CADM1: variants seen among roughly 807,000 people sequenced by gnomAD.
CADM1 encodes cell adhesion molecule 1.
A neutral mutation model predicts 53.1 loss-of-function variants in CADM1; 15 were observed. The ratio of observed to expected loss-of-function variants is 0.28; its 90% confidence interval spans 0.19 to 0.44. The LOEUF (loss-of-function observed/expected upper bound fraction) is 0.44. CADM1 is among the 20% of genes least tolerant of loss of function. The pLI, the probability that CADM1 is intolerant of heterozygous loss-of-function variation, is 1.00. For synonymous variants in CADM1, 281 were observed against 243.0 expected, an observed-to-expected ratio of 1.16 and a Z score of -1.45; for missense variants, 434 against 611.3, an observed-to-expected ratio of 0.71 and a Z score of 3.06.
intron 1 of CADM1, among the ~76,000 whole-genome samples, chr11:115,391,658 T>C (rs909328111): frequency 2.0e-5 from 3 of 152,174 alleles, no homozygotes; most frequent in African/African-American, 7.2e-5. Flanking sequence ...CACTAGCACT[T>C]ACTGCAAGAC....
At chr11:115,323,979 GC>G (rs1437888120) in intron 1 of CADM1, among the ~76,000 whole-genome samples, 2 of 152,054 alleles carry the variant, frequency 1.3e-5, no homozygotes, top group African/African-American at 4.8e-5. Flanking sequence ...GAAGCAGATA[GC>G]CATACAAAGA....
intron 1 of CADM1, among the ~76,000 whole-genome samples, chr11:115,300,765 C>T (rs935148180): frequency 1.3e-5 from 2 of 152,092 alleles, no homozygotes; most frequent in Admixed American, 6.6e-5. Context: ...CATAGTTTCA[C>T]CATGATCATC....
In CADM1 at chr11:115,364,449, C is replaced by T. The variant is rs191522739; in HGVS notation, c.125-124029G>A. Reference sequence around the variant, plus strand: ...TTCCATGTATTCCCAATGGAAACACCTGGACTTGGTCTTGTAGAAGCACAC... The same window carrying T: ...TTCCATGTATTCCCAATGGAAACACTTGGACTTGGTCTTGTAGAAGCACAC... On this transcript the variant is annotated intron_variant, in intron 1 of 11. Transcript: ENST00000331581. 3.9e-3 allele frequency among the ~76,000 whole-genome samples: 599 copies of T among 152,094 alleles called. 3 individuals are homozygous for T. The highest frequency in any genetic ancestry group is 0.014 in the African/African-American group (569 of 41,508).
intron 3 of CADM1, among the ~76,000 whole-genome samples, chr11:115,233,382 T>G (rs1941894761): frequency 6.6e-6 from 1 of 152,188 alleles, no homozygotes; most frequent in Non-Finnish European, 1.5e-5. Context: ...ACAGAAAGGC[T>G]TTAACAAAAG....
chr11:115,320,666 C>A (rs1047402256), intron 1 of CADM1, among the ~76,000 whole-genome samples: 1 of 151,430 alleles, frequency 6.6e-6, no homozygotes, highest in African/African-American at 2.4e-5. Context: ...GCTTGAGTAT[C>A]CTGAAGTTGG....
intron 1 of CADM1, among the ~76,000 whole-genome samples, chr11:115,304,742 T>C (rs1028586987): frequency 6.6e-6 from 1 of 152,006 alleles, no homozygotes; most frequent in African/African-American, 2.4e-5. Context: ...CTTATAAATA[T>C]TAATAACATA....
chr11:115,198,618 A>C (rs1384167333), intron 8 of CADM1, among the ~76,000 whole-genome samples, 180 bp from the exon 9 acceptor site: 1 of 152,252 alleles, frequency 6.6e-6, no homozygotes, highest in East Asian at 1.9e-4. Flanking sequence ...CACTGTTTTA[A>C]GACATGCCTT....
chr11:115,329,123 A>G (rs1377449866), intron 1 of CADM1, among the ~76,000 whole-genome samples: 2 of 152,064 alleles, frequency 1.3e-5, no homozygotes, highest in Admixed American at 1.3e-4. Context: ...AGGACAAATA[A>G]TTTAGCACTT....
intron 1 of CADM1, among the ~76,000 whole-genome samples, chr11:115,332,824 TA>T (rs1340431420): frequency 1.3e-5 from 2 of 152,030 alleles, no homozygotes; most frequent in South Asian, 4.1e-4. Context: ...TGAAGAGGGT[TA>T]AAAAATATAT....
chr11:115,502,334 T>C (rs1949746544), intron 1 of CADM1, among the ~76,000 whole-genome samples: 1 of 137,914 alleles, frequency 7.3e-6, no homozygotes, highest in Non-Finnish European at 1.6e-5. Flanking sequence ...CGGCTTTTTT[T>C]TTTTTTTTTT....
At chr11:115,284,818 C>T (rs938920335) in intron 1 of CADM1, among the ~76,000 whole-genome samples, 3 of 152,076 alleles carry the variant, frequency 2.0e-5, no homozygotes, top group African/African-American at 7.2e-5. Context: ...AGTTAAATAA[C>T]TAATGTTCTC....
At chr11:115,250,895 C>A (rs1942583229) in intron 1 of CADM1, among the ~76,000 whole-genome samples, 1 of 152,130 alleles carries the variant, frequency 6.6e-6, no homozygotes, top group South Asian at 2.1e-4. Context: ...GTGCTATTAA[C>A]AATTATACTA....
chr11:115,500,726 A>C (rs1407440863), intron 1 of CADM1, among the ~76,000 whole-genome samples: 1 of 152,218 alleles, frequency 6.6e-6, no homozygotes, highest in African/African-American at 2.4e-5. Context: ...CTCCAACAAC[A>C]TCAACCTCAA....
chr11:115,437,791 C>G lies in CADM1; in HGVS notation c.124+66480G>C, dbSNP rs557087273. ...TTTATTTATTACCATAAAAATGATA[C>G]TTGTAACAGGAAGTTATGGTGTAGA... On this transcript the variant is annotated intron_variant, in intron 1 of 11. Coordinates refer to ENST00000331581, the MANE Select transcript of CADM1 (RefSeq NM_001301043.2). Among the ~76,000 whole-genome samples the G allele has an allele frequency of 1.6e-4, 24 of 152,208 alleles. 1 individual carries two copies. In the South Asian group the frequency reaches 4.8e-3, roughly 30 times the overall value.
chr11:115,419,893 A>G (rs1055453458), intron 1 of CADM1, among the ~76,000 whole-genome samples: 2 of 152,192 alleles, frequency 1.3e-5, no homozygotes, highest in African/African-American at 4.8e-5. Flanking sequence ...ACTGTGCCCA[A>G]GCTCTGAATG....
intron 1 of CADM1, among the ~76,000 whole-genome samples, chr11:115,390,914 T>C (rs569741747): frequency 3.0e-4 from 45 of 152,330 alleles, no homozygotes; most frequent in African/African-American, 1.1e-3. Flanking sequence ...AGTTGATATG[T>C]ATGAAAAAGT....
chr11:115,206,094 A>G (rs1185308005), intron 8 of CADM1, among the ~76,000 whole-genome samples: 1 of 152,230 alleles, frequency 6.6e-6, no homozygotes. Flanking sequence ...ACCATCTAAC[A>G]CAAAGCCTAT....
At chr11:115,498,933 CA>C (rs1367622161) in intron 1 of CADM1, among the ~76,000 whole-genome samples, 3 of 151,998 alleles carry the variant, frequency 2.0e-5, no homozygotes, top group South Asian at 2.1e-4. Context: ...ATAGAGCGAC[CA>C]GGGGTGGATA....
chr11:115,400,587 A>G (rs1189637380), intron 1 of CADM1, among the ~76,000 whole-genome samples: 4 of 142,574 alleles, frequency 2.8e-5, no homozygotes, highest in Non-Finnish European at 6.0e-5. Flanking sequence ...TAATATATAT[A>G]TATATCTCTC....
Sources: allele counts gnomAD v4.1 joint callset (sites outside exome capture counted in the v4.1 genomes callset), GRCh38; gene constraint gnomAD v4.1.1; transcripts MANE v1.5; gene names NCBI Gene and HGNC (gene_info 2026-07-23, HGNC 2026-07-21).